The following MORC1 variants were observed in gnomAD, a reference collection of about 807,000 sequenced individuals.
The protein encoded by MORC1 is MORC family CW-type zinc finger 1, also known as MORC family CW-type zinc finger protein 1.
Under a neutral mutation model 134.9 loss-of-function variants are expected in MORC1, and 59 were observed. The observed-to-expected ratio is 0.44, with a 90% CI of 0.35 to 0.54. The LOEUF (loss-of-function observed/expected upper bound fraction) is 0.54. Among genes scored for constraint, MORC1 ranks in the 20% least tolerant of loss-of-function variants. MORC1 has a pLI of 0.00. For synonymous variants in MORC1, 395 were observed against 391.7 expected, an observed-to-expected ratio of 1.01 and a Z score of -0.10; for missense variants, 947 against 1,134.5, an observed-to-expected ratio of 0.83 and a Z score of 2.37.
At chr3:109,025,496 C>T (rs1949055183) in intron 17 of MORC1, among the ~76,000 whole-genome samples, 1 of 151,054 alleles carries the variant, frequency 6.6e-6, no homozygotes, top group South Asian at 2.1e-4. Flanking sequence ...ATTCTCCCAC[C>T]TCAGCCTCTG....
At chr3:109,031,669 T>C (rs1033756289) in intron 16 of MORC1, among the ~76,000 whole-genome samples, 2 of 152,120 alleles carry the variant, frequency 1.3e-5, no homozygotes, top group Non-Finnish European at 2.9e-5. Flanking sequence ...TTTTCCAAAA[T>C]AAAGAAGAAT....
At chr3:109,024,164 T>C (rs1949022612) in intron 17 of MORC1, among the ~76,000 whole-genome samples, 1 of 152,236 alleles carries the variant, frequency 6.6e-6, no homozygotes, top group Non-Finnish European at 1.5e-5. Flanking sequence ...TATATAAGTT[T>C]GTTGCTACTG....
rs985775479 is a variant in MORC1 at position 109,008,776 on chromosome 3, C to T, written c.1705-1685G>A. ...GGATCTATGTATTTCCTACTCTGAA[C>T]AGTGGCAAAATTTGTTTATTTTTTC... On this transcript the variant is annotated intron_variant, in intron 17 of 27. Transcript: ENST00000232603. 5.5e-4 allele frequency among the ~76,000 whole-genome samples: 84 copies of T among 151,992 alleles called. 6 individuals carry two copies. The highest frequency in any genetic ancestry group is 2.9e-5 in the Non-Finnish European group (2 of 67,996).
At chr3:109,002,924 A>G (rs891608219) in intron 20 of MORC1, among the ~76,000 whole-genome samples, 24 of 152,152 alleles carry the variant, frequency 1.6e-4, no homozygotes, top group Admixed American at 4.6e-4. Flanking sequence ...AGTTCTTTGT[A>G]TTCACCATAT....
intron 3 of MORC1, among the ~76,000 whole-genome samples, chr3:109,105,094 A>G (rs528072077): frequency 6.6e-6 from 1 of 152,222 alleles, no homozygotes; most frequent in East Asian, 1.9e-4. Context: ...TTCAAAAGTC[A>G]CTTAGAGACT....
intron 24 of MORC1, among the ~76,000 whole-genome samples, chr3:108,972,859 C>A (rs1947430737): frequency 6.6e-6 from 1 of 152,132 alleles, no homozygotes; most frequent in African/African-American, 2.4e-5. Flanking sequence ...TAGAGCAAAT[C>A]AGAAATCCCC....
chr3:109,009,209 T>G lies in MORC1; in HGVS notation c.1705-2118A>C, dbSNP rs1286940067. Among the ~76,000 whole-genome samples the G allele has an allele frequency of 5.0e-5, 7 of 140,498 alleles. No individual in the cohort carries two copies. The South Asian group carries it at 6.7e-4, about 13-fold the overall frequency. The allele number at this position is 140,498 out of a possible 152,430, so 92.2% of individuals were successfully genotyped here. A position where few individuals can be genotyped will look rare whatever the true frequency, so the allele number is the denominator to read the frequency against. ...TTCCTATTTTTACGTTTTTTGTTGT[T>G]TTTTTTTTTTTTTTTGAGACAGAGT... On this transcript the variant is annotated intron_variant, in intron 17 of 27. Coordinates refer to ENST00000232603, the MANE Select transcript of MORC1 (RefSeq NM_014429.4).
intron 6 of MORC1, among the ~76,000 whole-genome samples, chr3:109,095,723 C>T (rs1176165122): frequency 1.3e-5 from 2 of 152,136 alleles, no homozygotes; most frequent in African/African-American, 4.8e-5. Flanking sequence ...TCCCATTTGT[C>T]TCCCAGAAGC....
At chr3:109,011,530 T>G (rs543869654) in intron 17 of MORC1, among the ~76,000 whole-genome samples, 7 of 151,924 alleles carry the variant, frequency 4.6e-5, no homozygotes, top group Admixed American at 2.0e-4. Flanking sequence ...TTTTGTTTTT[T>G]TTTTTTTTGA....
At chr3:109,004,748 T>G in intron 20 of MORC1, 69 bp downstream of exon 20, 1 of 1,436,806 alleles carries the variant, frequency 7.0e-7, no homozygotes, top group Non-Finnish European at 9.6e-7. Context: ...AATGCAAAAC[T>G]TAAAGATTAA....
chr3:109,043,198 G>A lies in MORC1; in HGVS notation c.1331-7730C>T, dbSNP rs937183772. ...AAATGTGGCAAAATGTGGGGGGGGGGGGGTGTGTATAACAGAATATTATTC... is the reference window on the plus strand; with the variant it reads ...AAATGTGGCAAAATGTGGGGGGGGGAGGGTGTGTATAACAGAATATTATTC... On this transcript the variant is annotated intron_variant, in intron 14 of 27. Transcript: ENST00000232603. Among the ~76,000 whole-genome samples, 10 of 119,898 alleles carry A rather than the reference G, an allele frequency of 8.3e-5. No individual in the cohort carries two copies. The East Asian group carries it at 1.6e-3, about 19-fold the overall frequency. 78.7% of individuals were successfully genotyped at this position (119,898 alleles called of 152,430 possible).
intron 17 of MORC1, among the ~76,000 whole-genome samples, chr3:109,026,449 G>A (rs1245728432): frequency 6.6e-6 from 1 of 152,114 alleles, no homozygotes; most frequent in Non-Finnish European, 1.5e-5. Flanking sequence ...CTACCTCAAT[G>A]ATGAACACAA....
intron 17 of MORC1, among the ~76,000 whole-genome samples, chr3:109,011,774 G>A (rs1948691746): frequency 6.6e-6 from 1 of 152,058 alleles, no homozygotes; most frequent in South Asian, 2.1e-4. Flanking sequence ...GCCCACCTTG[G>A]CCTCCCAAAG....
rs1950036713 is a variant in MORC1, at chr3:109,059,698, GC to G, written c.1031+107del. The G allele has an allele frequency of 4.8e-6, 4 of 834,226 alleles. No individual in the cohort carries two copies. In the Admixed American group the frequency reaches 9.2e-5, roughly 19 times the overall value. The allele number at this position is 834,226 out of a possible 1,614,324, so 51.7% of individuals were successfully genotyped here. ...GGTTTCAGATTATAAGATGTCACAA[GC>G]TGAAAAAAAATTGTCACAATAACCA... On this transcript the variant is annotated intron_variant, in intron 12 of 27. Coordinates refer to ENST00000232603, the MANE Select transcript of MORC1 (RefSeq NM_014429.4).
At chr3:109,063,350 G>A (rs921260834) in intron 9 of MORC1, 119 bp from the exon 10 acceptor site, 61 of 557,294 alleles carry the variant, frequency 1.1e-4, no homozygotes, top group South Asian at 2.9e-4. Flanking sequence ...AAGATTCATC[G>A]AGTGAGTTGC....
intron 21 of MORC1, among the ~76,000 whole-genome samples, chr3:108,996,286 G>GCGCACACA: frequency 2.7e-5 from 4 of 146,382 alleles, no homozygotes; most frequent in African/African-American, 7.7e-5. Flanking sequence ...GCGCGCGCGC[G>GCGCACACA]CACACACACA....
intron 11 of MORC1, among the ~76,000 whole-genome samples, chr3:109,060,262 GAAA>G (rs35431327): frequency 6.9e-6 from 1 of 145,042 alleles, no homozygotes. Flanking sequence ...GTTTTTGCAG[GAAA>G]AAAAAAAAAG....
intron 20 of MORC1, among the ~76,000 whole-genome samples, chr3:109,002,795 C>T (rs1948439195): frequency 6.6e-6 from 1 of 152,142 alleles, no homozygotes; most frequent in Admixed American, 6.5e-5. Context: ...AATGGTTTCC[C>T]ATTACTTATA....
At chr3:109,083,511 C>T (rs974066696) in intron 8 of MORC1, among the ~76,000 whole-genome samples, 1 of 152,098 alleles carries the variant, frequency 6.6e-6, no homozygotes, top group African/African-American at 2.4e-5. Flanking sequence ...TGGCTCACGC[C>T]TGTAATAAGA....
Sources: gnomAD v4.1 joint callset for allele counts (sites outside exome capture counted in the v4.1 genomes callset) on GRCh38, gnomAD v4.1.1 for gene constraint, MANE v1.5 for transcripts, NCBI Gene and HGNC (gene_info 2026-07-23, HGNC 2026-07-21) for gene names.